CDH13: variants seen among roughly 807,000 people sequenced by gnomAD.
The protein encoded by CDH13 is cadherin 13, also known as cadherin-13.
In CDH13, 24 loss-of-function variants were observed where a neutral mutation model predicts 63.8. The ratio of observed to expected loss-of-function variants is 0.38; its 90% CI spans 0.27 to 0.53. The LOEUF (loss-of-function observed/expected upper bound fraction) is 0.53, where lower values mean the gene tolerates loss of function less well. Among genes scored for constraint, CDH13 ranks in the 20% least tolerant of loss-of-function variants. CDH13 has a pLI of 0.85. For missense variants in CDH13, 1,049 were observed against 903.1 expected (o/e 1.16, Z -2.07); for synonymous variants, 503 against 355.3 (o/e 1.42, Z -4.67).
intron 2 of CDH13, among the ~76,000 whole-genome samples, chr16:83,028,587 T>C (rs548413759): frequency 6.6e-6 from 1 of 152,318 alleles, no homozygotes; most frequent in South Asian, 2.1e-4. Flanking sequence ...AGTCCGTGGA[T>C]ACTACCCAAC....
intron 7 of CDH13, among the ~76,000 whole-genome samples, chr16:83,508,698 C>A (rs2074482303): frequency 6.6e-6 from 1 of 152,166 alleles, no homozygotes; most frequent in Admixed American, 6.5e-5. Context: ...CCCATTGCCA[C>A]CTGTGTATTG....
At chr16:83,096,936 A>T (rs1392904378) in intron 3 of CDH13, among the ~76,000 whole-genome samples, 2 of 151,868 alleles carry the variant, frequency 1.3e-5, no homozygotes, top group East Asian at 1.9e-4. Context: ...CTCATAAAAT[A>T]TTTTTTTTCT....
At chr16:83,340,363 C>T (rs2090695338) in intron 5 of CDH13, among the ~76,000 whole-genome samples, 1 of 152,040 alleles carries the variant, frequency 6.6e-6, no homozygotes. Flanking sequence ...GATAGACCTA[C>T]AAACATCTGT....
chr16:83,436,566 G>T (rs1158388275), intron 6 of CDH13, among the ~76,000 whole-genome samples: 2 of 152,224 alleles, frequency 1.3e-5, no homozygotes, highest in Non-Finnish European at 2.9e-5. Flanking sequence ...AGCAGTATGA[G>T]GTTGTTAATC....
intron 1 of CDH13, among the ~76,000 whole-genome samples, chr16:82,760,928 G>A (rs145734538): frequency 1.3e-5 from 2 of 151,448 alleles, no homozygotes; most frequent in East Asian, 1.9e-4. Context: ...AGGGTTGGCA[G>A]GAAGCCATTC....
At chr16:82,758,903 A>G (rs539695743) in intron 1 of CDH13, among the ~76,000 whole-genome samples, 2 of 152,340 alleles carry the variant, frequency 1.3e-5, no homozygotes, top group South Asian at 2.1e-4. Context: ...AGCCTCGGCC[A>G]GTCTTTTCTT....
At chr16:82,799,166 C>T (rs1021842279) in intron 1 of CDH13, among the ~76,000 whole-genome samples, 1 of 152,196 alleles carries the variant, frequency 6.6e-6, no homozygotes, top group Non-Finnish European at 1.5e-5. Context: ...GCACCGAGCT[C>T]TCCGCCATGA....
Position 83,090,233 on chromosome 16 carries a change from G to A in CDH13, c.367-35152G>A, listed in dbSNP as rs546949704. Among the ~76,000 whole-genome samples, 3 of 152,188 alleles carry A rather than the reference G, an allele frequency of 2.0e-5. No homozygotes were observed. In the South Asian group the frequency reaches 6.2e-4, roughly 32 times the overall value. Reference sequence around the variant, plus strand: ...GTGCCTCCAGCCCAGTCTACAGCATGTTCCCTGGTTCAGACCATCCCAATC... The same window carrying A: ...GTGCCTCCAGCCCAGTCTACAGCATATTCCCTGGTTCAGACCATCCCAATC... On this transcript the variant is annotated intron_variant, in intron 3 of 13. Coordinates refer to ENST00000567109, the MANE Select transcript of CDH13 (RefSeq NM_001257.5).
chr16:83,116,146 G>A (rs2035281789), intron 3 of CDH13, among the ~76,000 whole-genome samples: 1 of 152,226 alleles, frequency 6.6e-6, no homozygotes, highest in South Asian at 2.1e-4. Flanking sequence ...ATGCCAGTCT[G>A]GCAGACATAA....
intron 1 of CDH13, among the ~76,000 whole-genome samples, chr16:82,795,922 G>T (rs1335356206): frequency 1.3e-5 from 2 of 148,630 alleles, no homozygotes; most frequent in South Asian, 4.3e-4. Flanking sequence ...TAACACAGTG[G>T]AAAAAAAGGC....
chr16:83,618,154 G>A (rs1909457281), intron 8 of CDH13, among the ~76,000 whole-genome samples: 1 of 148,094 alleles, frequency 6.8e-6, no homozygotes. Flanking sequence ...GCCAGGCATG[G>A]TGGCTCATGC....
intron 2 of CDH13, among the ~76,000 whole-genome samples, chr16:82,969,188 G>C (rs1034439881): frequency 3.9e-5 from 6 of 152,106 alleles, no homozygotes; most frequent in African/African-American, 1.4e-4. Flanking sequence ...TAAACCAAAG[G>C]CCAGCAAACT....
intron 1 of CDH13, among the ~76,000 whole-genome samples, chr16:82,647,533 C>T (rs569156266): frequency 1.9e-4 from 29 of 152,246 alleles, no homozygotes; most frequent in African/African-American, 6.7e-4. Context: ...GAGCTTAACT[C>T]CCCTGGGAAC....
At chr16:83,423,929 A>T (rs1244381055) in intron 6 of CDH13, among the ~76,000 whole-genome samples, 1 of 152,196 alleles carries the variant, frequency 6.6e-6, no homozygotes, top group East Asian at 1.9e-4. Context: ...GTACACTATA[A>T]CTAAACTTTA....
intron 7 of CDH13, among the ~76,000 whole-genome samples, chr16:83,529,723 A>AACAGAATTTTATCTATT (rs1305637943): frequency 9.2e-5 from 14 of 152,186 alleles, no homozygotes; most frequent in Admixed American, 3.9e-4. Flanking sequence ...AATTATGCAT[A>AACAGAATTTTATCTATT]ACAGAATTTT....
At chr16:83,033,726 T>C (rs772953234) in intron 3 of CDH13, among the ~76,000 whole-genome samples, 1 of 152,170 alleles carries the variant, frequency 6.6e-6, no homozygotes, top group Non-Finnish European at 1.5e-5. Flanking sequence ...ATTCGGAGAC[T>C]TTTTGCTACT....
At chr16:83,711,519 TTTTG>T (rs1320694363) in intron 10 of CDH13, among the ~76,000 whole-genome samples, 8 of 152,078 alleles carry the variant, frequency 5.3e-5, no homozygotes, top group Admixed American at 4.6e-4. Context: ...TTTTTTTGTT[TTTTG>T]TTTTTTGTTT....
intron 3 of CDH13, among the ~76,000 whole-genome samples, chr16:83,064,236 G>T (rs1489143068): frequency 6.6e-6 from 1 of 152,098 alleles, no homozygotes; most frequent in Non-Finnish European, 1.5e-5. Flanking sequence ...GGGTGTGGTG[G>T]CATGCACCTG....
chr16:82,708,685 C>T (rs1321390494), intron 1 of CDH13, among the ~76,000 whole-genome samples: 1 of 152,140 alleles, frequency 6.6e-6, no homozygotes, highest in Non-Finnish European at 1.5e-5. Flanking sequence ...TCTAAAACAC[C>T]ATGACCACTC....
Sources: gnomAD v4.1 joint callset for allele counts (sites outside exome capture counted in the v4.1 genomes callset) on GRCh38, gnomAD v4.1.1 for gene constraint, MANE v1.5 for transcripts, NCBI Gene and HGNC (gene_info 2026-07-23, HGNC 2026-07-21) for gene names.